Variants in CDKAL1 observed in about 807,000 individuals in gnomAD.
CDKAL1 encodes threonylcarbamoyladenosine tRNA methylthiotransferase.
CDKAL1 carries 32 observed loss-of-function variants against 68.2 expected under a neutral mutation model. The ratio of observed to expected loss-of-function variants is 0.47; its 90% confidence interval spans 0.35 to 0.63. The LOEUF (loss-of-function observed/expected upper bound fraction) is 0.63. Ranked by LOEUF, CDKAL1 falls within the 30% of genes least tolerant of loss-of-function variation. The pLI is 0.00. For synonymous variants in CDKAL1, 234 were observed against 244.3 expected (o/e 0.96, Z 0.39); for missense variants, 606 against 696.7 (o/e 0.87, Z 1.47).
intron 9 of CDKAL1, among the ~76,000 whole-genome samples, chr6:20,881,636 T>C (rs1186063077): frequency 6.6e-6 from 1 of 152,206 alleles, no homozygotes; most frequent in African/African-American, 2.4e-5. Context: ...AACCATATTA[T>C]TTCTATTTTT....
intron 7 of CDKAL1, among the ~76,000 whole-genome samples, chr6:20,774,365 T>C (rs12193239): frequency 0.1 from 15,738 of 152,164 alleles, 878 homozygotes; most frequent in African/African-American, 0.13. Context: ...ATTTAGTTAA[T>C]AGATATATTT....
intron 13 of CDKAL1, among the ~76,000 whole-genome samples, chr6:21,194,590 A>C (rs1778391766): frequency 6.6e-6 from 1 of 152,166 alleles, no homozygotes; most frequent in African/African-American, 2.4e-5. Flanking sequence ...TAGCAGAGGC[A>C]CTGTTTGGAT....
intron 13 of CDKAL1, among the ~76,000 whole-genome samples, chr6:21,168,074 A>G (rs546181282): frequency 6.6e-6 from 1 of 152,376 alleles, no homozygotes; most frequent in African/African-American, 2.4e-5. Flanking sequence ...CATGTAGTCA[A>G]AGACTGCAGT....
intron 9 of CDKAL1, among the ~76,000 whole-genome samples, chr6:20,928,190 A>G (rs958539536): frequency 3.9e-5 from 6 of 152,162 alleles, no homozygotes; most frequent in Non-Finnish European, 7.4e-5. Context: ...ATCACATAGA[A>G]TGTAAAGGTA....
chr6:21,137,078 C>A (rs972669086), intron 13 of CDKAL1, among the ~76,000 whole-genome samples: 4 of 150,472 alleles, frequency 2.7e-5, no homozygotes, highest in Non-Finnish European at 4.4e-5. Flanking sequence ...AGATTAGAAT[C>A]AAAGAAGGAA....
chr6:20,758,548 G>A (rs754253020), intron 6 of CDKAL1, 47 bp from the exon 7 acceptor site: 3 of 1,536,228 alleles, frequency 2.0e-6, no homozygotes, highest in East Asian at 4.6e-5. Flanking sequence ...CACAAATTTT[G>A]TTTCTTCGTG....
At chr6:21,136,306 G>T (rs7771907) in intron 13 of CDKAL1, among the ~76,000 whole-genome samples, 2 of 152,028 alleles carry the variant, frequency 1.3e-5, no homozygotes, top group Non-Finnish European at 2.9e-5. Flanking sequence ...GTCACTGTAC[G>T]CAAGACGTTG....
At chr6:21,114,898 C>T (rs977478968) in intron 13 of CDKAL1, among the ~76,000 whole-genome samples, 5 of 152,022 alleles carry the variant, frequency 3.3e-5, no homozygotes, top group Non-Finnish European at 5.9e-5. Context: ...CCTATGACTA[C>T]CTTAAGAACT....
chr6:20,898,819 A>T (rs1299865577), intron 9 of CDKAL1, among the ~76,000 whole-genome samples: 2 of 152,114 alleles, frequency 1.3e-5, no homozygotes, highest in Non-Finnish European at 2.9e-5. Flanking sequence ...TTATAAAATA[A>T]TTTTCACCTA....
At chr6:21,042,404 T>C (rs981446499) in intron 11 of CDKAL1, among the ~76,000 whole-genome samples, 10 of 152,176 alleles carry the variant, frequency 6.6e-5, no homozygotes, top group Admixed American at 3.9e-4. Flanking sequence ...CCTGCACTTA[T>C]AGTTCATCCC....
intron 11 of CDKAL1, among the ~76,000 whole-genome samples, chr6:21,054,866 T>G (rs1325767138): frequency 6.6e-6 from 1 of 151,968 alleles, no homozygotes; most frequent in Non-Finnish European, 1.5e-5. Flanking sequence ...GTAGATTCTT[T>G]AGATTTTCTA....
At chr6:20,685,498 C>A (rs914779611) in intron 5 of CDKAL1, among the ~76,000 whole-genome samples, 1 of 152,098 alleles carries the variant, frequency 6.6e-6, no homozygotes, top group Non-Finnish European at 1.5e-5. Context: ...TTTGCCTTGC[C>A]ATGTAAGCTT....
At chr6:21,095,966 G>A (rs1773293253) in intron 12 of CDKAL1, among the ~76,000 whole-genome samples, 1 of 152,174 alleles carries the variant, frequency 6.6e-6, no homozygotes, top group Non-Finnish European at 1.5e-5. Flanking sequence ...TTGGTATGAT[G>A]GGGCAGAGAG....
At chr6:20,829,262 T>C (rs968151559) in intron 8 of CDKAL1, among the ~76,000 whole-genome samples, 1 of 152,222 alleles carries the variant, frequency 6.6e-6, no homozygotes, top group Non-Finnish European at 1.5e-5. Flanking sequence ...TATTTTGTTT[T>C]AGTAGCTGCC....
At position 21,006,908 on chromosome 6, in the gene CDKAL1, C is replaced by T. The variant is rs116558390; in HGVS notation, c.1055+6536C>T. On this transcript the variant is annotated intron_variant, in intron 11 of 15. Transcript: ENST00000274695. ...TGTTATTCCTTTCAGAAATCATCGT[C>T]TCTTAATCTCTTGTGCATTTTTCCT... Among the ~76,000 whole-genome samples the T allele has an allele frequency of 7.3e-3, 1,108 of 152,268 alleles. 16 individuals are homozygous for T. Among genetic ancestry groups the T allele is most frequent in the African/African-American group, 0.025 (1,037 of 41,556 alleles).
intron 10 of CDKAL1, among the ~76,000 whole-genome samples, chr6:20,976,581 A>G (rs531433219): frequency 7.5e-4 from 114 of 152,300 alleles, no homozygotes; most frequent in African/African-American, 2.5e-3. Context: ...AGCCTTTACA[A>G]ATGTGCACTT....
chr6:20,960,919 G>A (rs1561918152), intron 10 of CDKAL1, among the ~76,000 whole-genome samples: 1 of 152,142 alleles, frequency 6.6e-6, no homozygotes, highest in Admixed American at 6.5e-5. Context: ...TATGATTATC[G>A]AATTTGTAGA....
chr6:20,993,974 C>T (rs936958169), intron 10 of CDKAL1, among the ~76,000 whole-genome samples: 4 of 152,108 alleles, frequency 2.6e-5, no homozygotes, highest in South Asian at 4.1e-4. Flanking sequence ...TTTCCATGCT[C>T]GCTGCTACCA....
At chr6:20,805,213 CT>C (rs1776519616) in intron 8 of CDKAL1, among the ~76,000 whole-genome samples, 2 of 152,116 alleles carry the variant, frequency 1.3e-5, no homozygotes. Context: ...CCTGATGTGT[CT>C]TTTTCTGTTA....
Sources: allele counts gnomAD v4.1 joint callset (sites outside exome capture counted in the v4.1 genomes callset), GRCh38; gene constraint gnomAD v4.1.1; transcripts MANE v1.5; gene names NCBI Gene and HGNC (gene_info 2026-07-23, HGNC 2026-07-21).